SPINK8: variants seen among roughly 807,000 people sequenced by gnomAD.
SPINK8 encodes the protein serine protease inhibitor Kazal-type 8.
In SPINK8, 12 loss-of-function variants were observed where a neutral mutation model predicts 14.4. The ratio of observed to expected loss-of-function variants is 0.83; its 90% CI spans 0.53 to 1.35. The LOEUF (loss-of-function observed/expected upper bound fraction) is 1.35, where lower values mean the gene tolerates loss of function less well. Among genes scored for constraint, SPINK8 ranks in the 40% most tolerant of loss-of-function variants. The probability of loss-of-function intolerance (pLI) is 0.00; values close to 1 mark genes in which losing one functional copy is unlikely to be tolerated. For synonymous variants in SPINK8, 32 were observed against 37.6 expected (o/e 0.85, Z 0.55); for missense variants, 103 against 117.0 (o/e 0.88, Z 0.55).
chr3:48,314,414 TGA>T (rs1261282294), intron 6 of SPINK8, among the ~76,000 whole-genome samples: 2 of 151,732 alleles, frequency 1.3e-5, no homozygotes, highest in Non-Finnish European at 2.9e-5. Flanking sequence ...GTAAGAATAG[TGA>T]GTTTCATGGC....
In SPINK8 at chr3:48,319,629, GAC is replaced by G. The variant is rs770049567; in HGVS notation, c.118-13_118-12del. ...CTTGAGGCATTCAACCTGAAGGTGA[GAC>G]ACACACAACTGCTTCAGACACTTTC... On this transcript the variant is annotated splice_polypyrimidine_tract_variant and intron_variant, in intron 5 of 7. Coordinates refer to ENST00000434006, the MANE Select transcript of SPINK8 (RefSeq NM_001080525.3). 2 of 1,613,758 alleles carry G rather than the reference GAC, an allele frequency of 1.2e-6. No individual in the cohort carries two copies. Among genetic ancestry groups the G allele is most frequent in the East Asian group, 4.5e-5 (2 of 44,866 alleles).
At chr3:48,332,846 TA>T (rs2036283904) in intron 1 of SPINK8, among the ~76,000 whole-genome samples, 1 of 152,018 alleles carries the variant, frequency 6.6e-6, no homozygotes, top group Non-Finnish European at 1.5e-5. Flanking sequence ...TTTGAGAATT[TA>T]CCTAGGTCTA....
At chr3:48,311,482 G>T (rs910626248) in intron 6 of SPINK8, among the ~76,000 whole-genome samples, 2 of 152,180 alleles carry the variant, frequency 1.3e-5, no homozygotes, top group Non-Finnish European at 2.9e-5. Flanking sequence ...GATTCTATAT[G>T]TAGAAAATCC....
intron 4 of SPINK8, among the ~76,000 whole-genome samples, chr3:48,325,828 C>T (rs2036132861): frequency 6.6e-6 from 1 of 152,006 alleles, no homozygotes; most frequent in African/African-American, 2.4e-5. Context: ...AAACTCCCGA[C>T]CTCAGGTGAT....
chr3:48,315,873 G>C (rs1343338591), intron 6 of SPINK8, among the ~76,000 whole-genome samples: 1 of 151,976 alleles, frequency 6.6e-6, no homozygotes, highest in African/African-American at 2.4e-5. Flanking sequence ...AAATTCTAAA[G>C]TTGAAAATTA....
chr3:48,323,487 T>A (rs1247722925), intron 4 of SPINK8, among the ~76,000 whole-genome samples: 1 of 152,234 alleles, frequency 6.6e-6, no homozygotes, highest in Admixed American at 6.5e-5. Context: ...CTTTCTGCCT[T>A]TGGTGCCATC....
intron 4 of SPINK8, 44 bp from the exon 5 acceptor site, chr3:48,321,118 C>T: frequency 1.9e-6 from 3 of 1,544,388 alleles, no homozygotes; most frequent in Non-Finnish European, 8.7e-7. Context: ...TCTCTGTCTT[C>T]TGCCCTCAGC....
chr3:48,323,706 T>C (rs1390475540), intron 4 of SPINK8, among the ~76,000 whole-genome samples: 8 of 152,218 alleles, frequency 5.3e-5, no homozygotes, highest in Non-Finnish European at 1.0e-4. Context: ...AAAAGATTAT[T>C]GTCCACTGAA....
chr3:48,331,182 G>GGGGCT (rs2107117805), intron 2 of SPINK8, among the ~76,000 whole-genome samples: 1 of 152,290 alleles, frequency 6.6e-6, no homozygotes, highest in Admixed American at 6.5e-5. Flanking sequence ...ATATGGGTGT[G>GGGGCT]GGGCTGAAAG....
rs566219086 is a variant in SPINK8 at position 48,312,597 on chromosome 3, C to T, written c.240-2651G>A. Among the ~76,000 whole-genome samples, 6 of 152,030 alleles carry T rather than the reference C, an allele frequency of 3.9e-5. No individual in the cohort carries two copies. The East Asian group carries it at 5.8e-4, about 15-fold the overall frequency. ...GGTGGAGGTTGCAGTGAACCAAGATCGTGCCACTTCACTCCAGCTTGGGTG... is the reference window on the plus strand; with the variant it reads ...GGTGGAGGTTGCAGTGAACCAAGATTGTGCCACTTCACTCCAGCTTGGGTG... On this transcript the variant is annotated intron_variant, in intron 6 of 7. Coordinates refer to ENST00000434006, the MANE Select transcript of SPINK8 (RefSeq NM_001080525.3).
At chr3:48,313,815 T>C (rs759328898) in intron 6 of SPINK8, among the ~76,000 whole-genome samples, 1 of 152,212 alleles carries the variant, frequency 6.6e-6, no homozygotes, top group Non-Finnish European at 1.5e-5. Context: ...ACACTGTGGA[T>C]GAACCTCAAA....
rs954132823 is a variant in SPINK8, at chr3:48,315,944, A to G, written c.239+3553T>C. Among the ~76,000 whole-genome samples, 5 of 152,176 alleles carry G rather than the reference A, an allele frequency of 3.3e-5. No homozygotes were observed. In the South Asian group the frequency reaches 8.3e-4, roughly 25 times the overall value. On this transcript the variant is annotated intron_variant, in intron 6 of 7. Coordinates refer to ENST00000434006, the MANE Select transcript of SPINK8 (RefSeq NM_001080525.3). ...CATATAAGATTTGAGCAGACAGAAG[A>G]AAGAGTCAAATGTGCTTGAAGATAG...
intron 7 of SPINK8, among the ~76,000 whole-genome samples, chr3:48,308,263 C>T (rs533021584): frequency 2.4e-4 from 37 of 152,086 alleles, no homozygotes; most frequent in African/African-American, 8.4e-4. Context: ...CATGAGCCAC[C>T]GTGCCTGGCC....
intron 6 of SPINK8, among the ~76,000 whole-genome samples, chr3:48,317,561 G>T (rs2036009969): frequency 1.3e-5 from 2 of 151,964 alleles, no homozygotes; most frequent in South Asian, 4.2e-4. Context: ...TGTCACCCAG[G>T]CTGGAGTGCA....
Position 48,328,356 on chromosome 3 carries a change from T to G in SPINK8, c.-13-2A>C. On this transcript the variant is annotated splice_acceptor_variant, in intron 3 of 7. Coordinates refer to ENST00000434006, the MANE Select transcript of SPINK8 (RefSeq NM_001080525.3). LOFTEE classifies it low-confidence loss of function (5UTR_SPLICE). ...ATCCCCTTCATGGTGACAGAAGAAC[T>G]GTGGAAATATGCAACTTTTGATGTA... is the stretch of plus-strand genomic sequence containing the variant. 1 of 1,605,420 alleles carries G rather than the reference T, an allele frequency of 6.2e-7. No homozygotes were observed. The highest frequency in any genetic ancestry group is 8.5e-7 in the Non-Finnish European group (1 of 1,175,040).
At chr3:48,317,037 C>T (rs2036002667) in intron 6 of SPINK8, among the ~76,000 whole-genome samples, 1 of 152,144 alleles carries the variant, frequency 6.6e-6, no homozygotes, top group Non-Finnish European at 1.5e-5. Context: ...AAATAATAGA[C>T]AGTATAAACA....
At chr3:48,325,038 GTC>G (rs893145389) in intron 4 of SPINK8, among the ~76,000 whole-genome samples, 3 of 152,066 alleles carry the variant, frequency 2.0e-5, no homozygotes, top group African/African-American at 7.2e-5. Context: ...ATCATAACAT[GTC>G]TCTCTTCATT....
intron 2 of SPINK8, among the ~76,000 whole-genome samples, chr3:48,331,015 C>T (rs543969919): frequency 2.6e-5 from 4 of 151,936 alleles, no homozygotes; most frequent in Admixed American, 6.6e-5. Flanking sequence ...GCTAGCAGGC[C>T]GGTCCAAGGA....
chr3:48,318,520 ACT>A (rs749147654), intron 6 of SPINK8, among the ~76,000 whole-genome samples: 14 of 152,194 alleles, frequency 9.2e-5, no homozygotes, highest in Non-Finnish European at 1.8e-4. Flanking sequence ...GCATCGTTTG[ACT>A]CTGTCATGCT....
Sources: allele counts gnomAD v4.1 joint callset (sites outside exome capture counted in the v4.1 genomes callset), GRCh38; gene constraint gnomAD v4.1.1; transcripts MANE v1.5; gene names NCBI Gene and HGNC (gene_info 2026-07-23, HGNC 2026-07-21).